Variants in PPEF1 observed in about 807,000 individuals in gnomAD.
PPEF1 encodes the protein protein phosphatase with EF-hand domain 1, also known as serine/threonine-protein phosphatase with EF-hands 1.
A neutral mutation model predicts 53.3 loss-of-function variants in PPEF1; 12 were observed. The observed-to-expected ratio is 0.23, with a 90% CI of 0.14 to 0.36. The LOEUF is 0.36. Among genes scored for constraint, PPEF1 ranks in the 10% least tolerant of loss-of-function variants. PPEF1 has a pLI of 1.00. For missense variants in PPEF1, 334 were observed against 490.4 expected (o/e 0.68, Z 3.01); for synonymous variants, 165 against 176.7 (o/e 0.93, Z 0.52).
intron 6 of PPEF1, among the ~76,000 whole-genome samples, chrX:18,774,420 G>T (rs2147558138): frequency 8.9e-6 from 1 of 112,208 alleles, no homozygotes; most frequent in South Asian, 3.7e-4. Context: ...TGGTTATTTA[G>T]TTACAGTGTT....
chrX:18,712,285 C>T (rs2044348311), intron 1 of PPEF1, among the ~76,000 whole-genome samples: 1 of 111,446 alleles, frequency 9.0e-6, no homozygotes, highest in African/African-American at 3.3e-5. Context: ...TAATCTGATC[C>T]ATGAACATGG....
intron 3 of PPEF1, among the ~76,000 whole-genome samples, chrX:18,734,497 A>G (rs1465006139): frequency 1.8e-5 from 2 of 110,942 alleles, no homozygotes; most frequent in South Asian, 7.7e-4. Flanking sequence ...CATGGTGTAT[A>G]TGTGCCACAT....
intron 10 of PPEF1, among the ~76,000 whole-genome samples, chrX:18,797,159 C>T (rs186350089): frequency 8.9e-6 from 1 of 112,065 alleles, no homozygotes; most frequent in East Asian, 2.8e-4. Flanking sequence ...TTCCTCAGTT[C>T]CTGGTACATA....
At chrX:18,678,500 C>G (rs1928762672), upstream of PPEF1, among the ~76,000 whole-genome samples, 1 of 111,465 alleles carries the variant, frequency 9.0e-6, no homozygotes, top group African/African-American at 3.3e-5. Context: ...ACCTGTGCCA[C>G]TTCCATGTCT....
At position 18,730,089 on chromosome X, in the gene PPEF1, G is replaced by C. The variant is rs188441596; in HGVS notation, c.47-92G>C. On this transcript the variant is annotated intron_variant, in intron 1 of 15. Transcript: ENST00000470157. The stretch of plus-strand genomic sequence containing the variant: ...TTCTTAGAACCTAGGAATCCAGGTG[G>C]ACTGCTTTTTTTTTCCACTGAAGCA... 773 of 930,214 alleles carry C rather than the reference G, an allele frequency of 8.3e-4. 3 individuals carry two copies. The African/African-American group carries it at 0.015, about 18-fold the overall frequency. 76.7% of individuals were successfully genotyped at this position (930,214 alleles called of 1,213,427 possible).
At chrX:18,688,310 C>T (rs1929185577) in intron 3 of PPEF1, among the ~76,000 whole-genome samples, 1 of 112,118 alleles carries the variant, frequency 8.9e-6, no homozygotes, top group African/African-American at 3.2e-5. Flanking sequence ...GGAACTGTGA[C>T]AGAAGTAAGT....
At chrX:18,713,854 C>T (rs1421693685) in intron 1 of PPEF1, among the ~76,000 whole-genome samples, 1 of 111,678 alleles carries the variant, frequency 9.0e-6, no homozygotes, top group Non-Finnish European at 1.9e-5. Flanking sequence ...AAACATTTCT[C>T]AAGTTGTTAT....
At chrX:18,777,138 C>T (rs2045982843) in intron 6 of PPEF1, among the ~76,000 whole-genome samples, 1 of 112,126 alleles carries the variant, frequency 8.9e-6, no homozygotes, top group Admixed American at 9.5e-5. Context: ...ACATAACTTG[C>T]CCAAGGACAC....
chrX:18,703,410 A>G (rs543416067), upstream of PPEF1, among the ~76,000 whole-genome samples: 89 of 112,499 alleles, frequency 7.9e-4, 1 homozygote, highest in Admixed American at 7.1e-3. Context: ...TTTAAAAATT[A>G]TGTATAAGTA....
intron 4 of PPEF1, among the ~76,000 whole-genome samples, chrX:18,693,223 C>T (rs1202241417): frequency 8.9e-6 from 1 of 111,791 alleles, no homozygotes; most frequent in African/African-American, 3.3e-5. Context: ...GTATTATCTG[C>T]CCCAGCCCAT....
At chrX:18,737,987 CT>C (rs1337566405) in intron 3 of PPEF1, among the ~76,000 whole-genome samples, 2 of 110,728 alleles carry the variant, frequency 1.8e-5, no homozygotes, top group Non-Finnish European at 3.8e-5. Context: ...GTAGATCTTC[CT>C]TCATCCCTTT....
chrX:18,717,167 C>A (rs1396543807), intron 1 of PPEF1, among the ~76,000 whole-genome samples: 1 of 104,112 alleles, frequency 9.6e-6, no homozygotes, highest in Non-Finnish European at 1.9e-5. Context: ...AAATTGCAAA[C>A]CTACAGAGAA....
intron 3 of PPEF1, among the ~76,000 whole-genome samples, chrX:18,737,452 C>T (rs1333321967): frequency 8.9e-6 from 1 of 111,791 alleles, no homozygotes; most frequent in East Asian, 2.8e-4. Context: ...GTTTCTTAAT[C>T]CTGAGTTCTA....
intron 5 of PPEF1, among the ~76,000 whole-genome samples, chrX:18,698,299 GT>G (rs760776730): frequency 1.4e-4 from 16 of 112,240 alleles, no homozygotes; most frequent in Middle Eastern, 4.6e-3. Context: ...ATACAATGAA[GT>G]TATTCATTCA....
intron 10 of PPEF1, among the ~76,000 whole-genome samples, chrX:18,800,152 TA>T (rs2046520268): frequency 9.0e-6 from 1 of 111,615 alleles, no homozygotes; most frequent in South Asian, 3.7e-4. Flanking sequence ...CAAGGTGACT[TA>T]GGTAATTACT....
chrX:18,748,479 T>C (rs756781339), intron 3 of PPEF1, among the ~76,000 whole-genome samples: 1 of 112,187 alleles, frequency 8.9e-6, no homozygotes, highest in Admixed American at 9.5e-5. Flanking sequence ...AGTTGAAGAG[T>C]ATGTCATTGT....
rs1365710031 is a variant in PPEF1 at position 18,806,490 on chromosome X, C to T, written c.1339C>T (p.Arg447Ter). The T allele has an allele frequency of 8.3e-7, 1 of 1,209,342 alleles. No homozygotes were observed. Among genetic ancestry groups the T allele is most frequent in the Non-Finnish European group, 1.1e-6 (1 of 893,775 alleles). Residue 447 changes from arginine (R) to a stop codon, truncating the protein, a stop_gained, in exon 12 of 16, where the codon CGA (arginine) becomes TGA (stop). Transcript: ENST00000470157. LOFTEE classifies it high-confidence loss of function. ...YIKLCSGTTP[R>*]FFQYQVTKAT... The stretch of plus-strand genomic sequence containing the variant: ...CAAACTATGTTCTGGTACAACTCCT[C>T]GATTTTTCCAGTACCAAGTAACTAA...
intron 4 of PPEF1, among the ~76,000 whole-genome samples, chrX:18,755,333 G>A (rs967134726): frequency 2.0e-4 from 22 of 111,938 alleles, no homozygotes; most frequent in Non-Finnish European, 3.4e-4. Flanking sequence ...TTGGGAGGCC[G>A]AGGCAGGCAA....
chrX:18,746,229 G>A (rs1011582034), intron 3 of PPEF1, among the ~76,000 whole-genome samples: 1 of 112,004 alleles, frequency 8.9e-6, no homozygotes, highest in East Asian at 2.8e-4. Flanking sequence ...ATTGTTATTA[G>A]TTATAATAGT....
Sources: allele counts gnomAD v4.1 joint callset (sites outside exome capture counted in the v4.1 genomes callset), GRCh38; gene constraint gnomAD v4.1.1; transcripts MANE v1.5; gene names NCBI Gene and HGNC (gene_info 2026-07-23, HGNC 2026-07-21).